SLC30A8: variants seen among roughly 807,000 people sequenced by gnomAD.
SLC30A8 encodes solute carrier family 30 member 8.
Under a neutral mutation model 36.9 loss-of-function variants are expected in SLC30A8, and 27 were observed. The ratio of observed to expected loss-of-function variants is 0.73; its 90% confidence interval spans 0.54 to 1.01. The LOEUF (loss-of-function observed/expected upper bound fraction) is 1.01. Among genes scored for constraint, SLC30A8 ranks in the 50% least tolerant of loss-of-function variants. The probability of loss-of-function intolerance (pLI) is 0.00; values close to 1 mark genes in which losing one functional copy is unlikely to be tolerated. For synonymous variants in SLC30A8, 164 were observed against 172.4 expected, an observed-to-expected ratio of 0.95 and a Z score of 0.38; for missense variants, 439 against 452.0, an observed-to-expected ratio of 0.97 and a Z score of 0.26.
chr8:117,163,792 T>C (rs555240160), intron 6 of SLC30A8, among the ~76,000 whole-genome samples: 1 of 152,084 alleles, frequency 6.6e-6, no homozygotes, highest in Non-Finnish European at 1.5e-5. Context: ...CATGCGGAGA[T>C]ACTACAAAAA....
intron 1 of SLC30A8, among the ~76,000 whole-genome samples, chr8:116,991,709 T>C (rs76532469): frequency 0.032 from 4,896 of 152,264 alleles, 247 homozygotes; most frequent in African/African-American, 0.11. Flanking sequence ...GCCATGACAA[T>C]AGATAAGTAA....
rs117633488 is a variant in SLC30A8 at position 117,126,059 on chromosome 8, A to G, written c.-225-9221A>G. On this transcript the variant is annotated intron_variant, in intron 2 of 10. Coordinates refer to the SLC30A8 transcript ENST00000427715. ...CCCTCGATGAAGCACAGAAGAAACTAAAACCTGCCAGTTAGCAATGCAATT... is the reference window on the plus strand; with the variant it reads ...CCCTCGATGAAGCACAGAAGAAACTGAAACCTGCCAGTTAGCAATGCAATT... 6.8e-3 allele frequency among the ~76,000 whole-genome samples: 1,031 copies of G among 152,106 alleles called. 7 individuals are homozygous for G. The highest frequency in any genetic ancestry group is 0.012 in the Non-Finnish European group (798 of 67,928).
chr8:117,033,381 T>C (rs898414360), intron 1 of SLC30A8, among the ~76,000 whole-genome samples: 2 of 152,258 alleles, frequency 1.3e-5, no homozygotes, highest in Admixed American at 1.3e-4. Flanking sequence ...TGTGGAATTA[T>C]ACTGTATGAT....
intron 2 of SLC30A8, among the ~76,000 whole-genome samples, chr8:117,053,172 G>T (rs900833301): frequency 3.9e-4 from 59 of 152,224 alleles, no homozygotes; most frequent in African/African-American, 1.3e-3. Context: ...CTCGTGATCT[G>T]CCCGCTTCGG....
chr8:117,080,757 T>C (rs1308082506), intron 2 of SLC30A8, among the ~76,000 whole-genome samples: 2 of 152,194 alleles, frequency 1.3e-5, no homozygotes, highest in African/African-American at 4.8e-5. Context: ...CTGGGTTGAT[T>C]CCATGTTTTT....
At chr8:117,117,786 T>C (rs17812997) in intron 2 of SLC30A8, among the ~76,000 whole-genome samples, 34,739 of 151,816 alleles carry the variant, frequency 0.23, 4,124 homozygotes, top group East Asian at 0.33. Context: ...TTCTTTAAAA[T>C]CTGAAGAGGT....
At chr8:117,069,476 A>T (rs1226330439) in intron 2 of SLC30A8, among the ~76,000 whole-genome samples, 1 of 152,212 alleles carries the variant, frequency 6.6e-6, no homozygotes, top group Non-Finnish European at 1.5e-5. Flanking sequence ...ATGGGAAAGA[A>T]TATATCTATG....
intron 2 of SLC30A8, among the ~76,000 whole-genome samples, chr8:117,087,214 A>G (rs1476611974): frequency 6.6e-6 from 1 of 152,200 alleles, no homozygotes; most frequent in Non-Finnish European, 1.5e-5. Context: ...TCAAATAGAA[A>G]GTCAACAGTG....
At chr8:117,068,531 A>G (rs1004902104) in intron 2 of SLC30A8, among the ~76,000 whole-genome samples, 5 of 147,418 alleles carry the variant, frequency 3.4e-5, no homozygotes, top group Non-Finnish European at 4.4e-5. Context: ...TTCTCTCCAC[A>G]TGTGTTGCCC....
intron 1 of SLC30A8, among the ~76,000 whole-genome samples, chr8:117,013,430 A>ATTT (rs1398861623): frequency 6.6e-6 from 1 of 152,178 alleles, no homozygotes; most frequent in Admixed American, 6.6e-5. Context: ...GTTCAGTGGG[A>ATTT]AATGTTATCA....
chr8:116,987,478 TGTCTA>T (rs1007747817), intron 1 of SLC30A8, among the ~76,000 whole-genome samples: 50 of 152,206 alleles, frequency 3.3e-4, no homozygotes, highest in African/African-American at 1.2e-3. Flanking sequence ...AAATAAATAT[TGTCTA>T]GGCTAGGCTA....
At chr8:116,951,167 T>A (rs117031831) in intron 1 of SLC30A8, 1 of 152,190 alleles carries the variant, frequency 6.6e-6, no homozygotes, top group African/African-American at 2.4e-5. Context: ...TTGTAGAAAC[T>A]TGTAGAGTAA....
chr8:117,145,362 A>AT lies in SLC30A8; in HGVS notation c.72-1583dup, dbSNP rs560123505. 9.6e-3 allele frequency among the ~76,000 whole-genome samples: 1,456 copies of AT among 151,072 alleles called. 23 individuals carry two copies. Among genetic ancestry groups the AT allele is most frequent in the African/African-American group, 0.032 (1,338 of 41,262 alleles). On this transcript the variant is annotated intron_variant, in intron 1 of 7. Transcript: ENST00000456015. The stretch of plus-strand genomic sequence containing the variant: ...CAGTTATTTTTCCCTCTACTTTGTG[A>AT]TTTTTTTTTGTAATCCAGATTTTCT...
chr8:116,959,112 G>A (rs1586327126), intron 1 of SLC30A8, among the ~76,000 whole-genome samples: 1 of 152,094 alleles, frequency 6.6e-6, no homozygotes, highest in Middle Eastern at 3.4e-3. Context: ...GCCTCCCAAA[G>A]TGCTGGGATT....
chr8:116,992,507 T>A (rs1448564915), intron 1 of SLC30A8, among the ~76,000 whole-genome samples: 2 of 148,230 alleles, frequency 1.3e-5, no homozygotes, highest in Non-Finnish European at 2.9e-5. Flanking sequence ...ACTTAGAAGT[T>A]AAGAAAAAAA....
At chr8:116,958,798 T>C (rs1001055138) in intron 1 of SLC30A8, among the ~76,000 whole-genome samples, 1 of 151,336 alleles carries the variant, frequency 6.6e-6, no homozygotes, top group Non-Finnish European at 1.5e-5. Flanking sequence ...ATATGTATAT[T>C]AGACCTCTTG....
chr8:117,006,296 T>A (rs1274735611), intron 1 of SLC30A8, among the ~76,000 whole-genome samples: 1 of 152,184 alleles, frequency 6.6e-6, no homozygotes. Flanking sequence ...ATTCAGTGGT[T>A]TAATGTTGTC....
rs111829745 is a variant in SLC30A8, at chr8:117,004,850, C to T, written c.-265-34369C>T. Among the ~76,000 whole-genome samples the T allele has an allele frequency of 2.1e-3, 323 of 152,104 alleles. 4 individuals are homozygous for T. Among genetic ancestry groups the T allele is most frequent in the African/African-American group, 7.2e-3 (297 of 41,524 alleles). On this transcript the variant is annotated intron_variant, in intron 1 of 10. Coordinates refer to the SLC30A8 transcript ENST00000427715. ...GTAGCAAATGCCATCTTTCGATGCA[C>T]GTTTGACTCTAGCAACTTGTTTATA...
At chr8:117,081,630 A>G (rs575689123) in intron 2 of SLC30A8, among the ~76,000 whole-genome samples, 1 of 152,298 alleles carries the variant, frequency 6.6e-6, no homozygotes, top group Admixed American at 6.5e-5. Context: ...GACCTGGAGA[A>G]TGAGCATTCT....
Sources: gnomAD v4.1 joint callset for allele counts (sites outside exome capture counted in the v4.1 genomes callset) on GRCh38, gnomAD v4.1.1 for gene constraint, MANE v1.5 for transcripts, NCBI Gene and HGNC (gene_info 2026-07-23, HGNC 2026-07-21) for gene names.